The following ANK2 variants were observed in gnomAD, a reference collection of about 807,000 sequenced individuals.
ANK2 encodes the protein ankyrin 2, also known as ankyrin-2.
A neutral mutation model predicts 360.5 loss-of-function variants in ANK2; 83 were observed. That is an observed-to-expected ratio of 0.23 (90% CI 0.19 to 0.28). The LOEUF is 0.28. ANK2 is among the 10% of genes least tolerant of loss of function. The probability of loss-of-function intolerance (pLI) is 1.00; values close to 1 mark genes in which losing one functional copy is unlikely to be tolerated. For synonymous variants in ANK2, 1,740 were observed against 1,759.5 expected (o/e 0.99, Z 0.28); for missense variants, 4,201 against 4,795.7 (o/e 0.88, Z 3.66).
chr4:113,042,269 C>T (rs1203794735), intron 2 of ANK2, among the ~76,000 whole-genome samples: 2 of 152,140 alleles, frequency 1.3e-5, no homozygotes, highest in Admixed American at 6.6e-5. Context: ...CTTACACCAG[C>T]CTCTCCACCC....
intron 9 of ANK2, among the ~76,000 whole-genome samples, chr4:113,246,777 G>T (rs1221423760): frequency 6.6e-6 from 1 of 152,114 alleles, no homozygotes; most frequent in Non-Finnish European, 1.5e-5. Flanking sequence ...TGCATATGTT[G>T]TTCTAGGCAC....
intron 2 of ANK2, among the ~76,000 whole-genome samples, chr4:113,013,196 A>G (rs1190927372): frequency 6.6e-6 from 1 of 152,136 alleles, no homozygotes; most frequent in Non-Finnish European, 1.5e-5. Context: ...CTAATTTATG[A>G]TTCGTTCAGA....
chr4:112,915,700 A>T (rs539810496), intron 2 of ANK2, among the ~76,000 whole-genome samples: 60 of 151,914 alleles, frequency 3.9e-4, no homozygotes, highest in African/African-American at 1.4e-3. Flanking sequence ...GGCTGCAGTA[A>T]GTCGAGATTG....
intron 1 of ANK2, among the ~76,000 whole-genome samples, chr4:113,132,326 T>G (rs1171804035): frequency 1.3e-5 from 2 of 152,168 alleles, no homozygotes; most frequent in Non-Finnish European, 2.9e-5. Context: ...CCCTTCACTT[T>G]TTTCTCCTGG....
At chr4:112,963,154 C>T (rs767932826) in intron 2 of ANK2, among the ~76,000 whole-genome samples, 1 of 152,088 alleles carries the variant, frequency 6.6e-6, no homozygotes, top group Non-Finnish European at 1.5e-5. Flanking sequence ...TCAAGCTTTT[C>T]CCTTCTCTGA....
At chr4:112,763,983 G>T in the ANK2 span, among the ~76,000 whole-genome samples, 2 of 151,936 alleles carry the variant, frequency 1.3e-5, no homozygotes, top group South Asian at 2.1e-4. Flanking sequence ...TGGCTCTGTC[G>T]TCCAGGCTGG....
rs556023146 is a variant in ANK2 at position 113,250,077 on chromosome 4, G to T, written c.990+215G>T. ...ATTAAATGTGTGCCTTCAAGTTTTT[G>T]TCTATATTTTTACCTGTTATTCTTA... is the stretch of plus-strand genomic sequence containing the variant. On this transcript the variant is annotated intron_variant, in intron 10 of 45. Transcript: ENST00000357077. 7.4e-4 allele frequency among the ~76,000 whole-genome samples: 113 copies of T among 152,248 alleles called. 1 individual carries two copies. The highest frequency in any genetic ancestry group is 2.6e-3 in the African/African-American group (107 of 41,548).
At chr4:112,789,089 A>G in the ANK2 span, among the ~76,000 whole-genome samples, 1 of 152,174 alleles carries the variant, frequency 6.6e-6, no homozygotes, top group Non-Finnish European at 1.5e-5. Flanking sequence ...AGGAAAATGT[A>G]ATGTATACTT....
chr4:112,988,171 A>G (rs760891644), intron 2 of ANK2, among the ~76,000 whole-genome samples: 1 of 145,458 alleles, frequency 6.9e-6, no homozygotes, highest in Admixed American at 6.7e-5. Flanking sequence ...TTAAAGAAGC[A>G]TAATTTACAA....
rs3830611 is a variant in ANK2 at position 113,336,473 on chromosome 4, T to TAA, written c.3592-99_3592-98dup. The TAA allele has an allele frequency of 0.071, 81,161 of 1,144,158 alleles. 7,091 individuals carry two copies. Among genetic ancestry groups the TAA allele is most frequent in the African/African-American group, 0.39 (24,704 of 63,032 alleles). The allele number at this position is 1,144,158 out of a possible 1,614,324, so 70.9% of individuals were successfully genotyped here. ...AAGCCCACCAAACTTATTTGTAAGA[T>TAA]AAAAAATACTTTGGGGAAGAAATTT... On this transcript the variant is annotated intron_variant, in intron 30 of 45. Coordinates refer to ENST00000357077, the MANE Select transcript of ANK2 (RefSeq NM_001148.6).
intron 2 of ANK2, among the ~76,000 whole-genome samples, chr4:113,177,501 C>A (rs2098262849): frequency 6.6e-6 from 1 of 152,162 alleles, no homozygotes; most frequent in African/African-American, 2.4e-5. Context: ...GTAAACTTAT[C>A]ATAAATAACA....
At chr4:112,853,416 G>A (rs572004734) in intron 1 of ANK2, among the ~76,000 whole-genome samples, 125 of 151,784 alleles carry the variant, frequency 8.2e-4, no homozygotes, top group African/African-American at 2.4e-3. Context: ...TGCCAGGCTT[G>A]TCTTGAGCTT....
intron 42 of ANK2, 145 bp from the exon 43 acceptor site, chr4:113,369,369 T>C: frequency 1.2e-6 from 1 of 827,236 alleles, no homozygotes; most frequent in Non-Finnish European, 2.0e-6. Context: ...TCTTCAAATG[T>C]CCTTTCTTGG....
chr4:112,920,813 C>G (rs2091280589), intron 2 of ANK2, among the ~76,000 whole-genome samples: 1 of 152,136 alleles, frequency 6.6e-6, no homozygotes, highest in Non-Finnish European at 1.5e-5. Context: ...CATACATGTA[C>G]TTGAGGATCA....
chr4:112,920,956 C>T (rs781068770), intron 2 of ANK2, among the ~76,000 whole-genome samples: 1 of 151,902 alleles, frequency 6.6e-6, no homozygotes, highest in Non-Finnish European at 1.5e-5. Context: ...ATAAAATATT[C>T]AGGGAATTTT....
At chr4:112,969,111 G>T (rs1485988990) in intron 2 of ANK2, among the ~76,000 whole-genome samples, 1 of 152,162 alleles carries the variant, frequency 6.6e-6, no homozygotes, top group Non-Finnish European at 1.5e-5. Context: ...GAACACTGAG[G>T]TTCTAGGAGG....
the ANK2 span, among the ~76,000 whole-genome samples, chr4:112,785,598 C>T: frequency 6.6e-6 from 1 of 151,930 alleles, no homozygotes; most frequent in African/African-American, 2.4e-5. Context: ...GTCTCGAACA[C>T]CTGACCTCGT....
intron 1 of ANK2, among the ~76,000 whole-genome samples, chr4:113,060,231 A>G (rs1023101100): frequency 1.3e-5 from 2 of 152,164 alleles, no homozygotes; most frequent in African/African-American, 4.8e-5. Flanking sequence ...CAATTTATTT[A>G]TAGAAAAATT....
rs757420275 is a variant in ANK2, at chr4:113,354,402, A to C, written c.5784A>C (p.Val1928=). ...PSGRTEKHPP[V]SPGRTEKRLP... ...GGAGGACAGAAAAACACCCGCCAGT[A>C]TCGCCTGGGAGAACAGAAAAACGCT... Residue 1928 remains valine, a synonymous_variant, in exon 38 of 46, where the codon GTA becomes GTC. Coordinates refer to ENST00000357077, the MANE Select transcript of ANK2 (RefSeq NM_001148.6). The C allele has an allele frequency of 4.5e-5, 72 of 1,614,024 alleles. No homozygotes were observed. Among genetic ancestry groups the C allele is most frequent in the Admixed American group, 2.3e-4 (14 of 59,998 alleles).
Sources: allele counts gnomAD v4.1 joint callset (sites outside exome capture counted in the v4.1 genomes callset), GRCh38; gene constraint gnomAD v4.1.1; transcripts MANE v1.5; gene names NCBI Gene and HGNC (gene_info 2026-07-23, HGNC 2026-07-21).